The following ZDHHC17 variants were observed in gnomAD, a reference collection of about 807,000 sequenced individuals.
ZDHHC17 encodes the protein zDHHC palmitoyltransferase 17.
A neutral mutation model predicts 90.3 loss-of-function variants in ZDHHC17; 40 were observed. That is an observed-to-expected ratio of 0.44 (90% CI 0.34 to 0.58). The LOEUF (loss-of-function observed/expected upper bound fraction) is 0.58, where lower values mean the gene tolerates loss of function less well. Among genes scored for constraint, ZDHHC17 ranks in the 20% least tolerant of loss-of-function variants. ZDHHC17 has a pLI of 0.01. For missense variants in ZDHHC17, 614 were observed against 780.8 expected (o/e 0.79, Z 2.55); for synonymous variants, 235 against 252.4 (o/e 0.93, Z 0.65).
intron 1 of ZDHHC17, among the ~76,000 whole-genome samples, chr12:76,772,780 C>T (rs1210879098): frequency 1.3e-5 from 2 of 150,518 alleles, no homozygotes; most frequent in Admixed American, 6.7e-5. Context: ...CTCCTGACCT[C>T]GTGATCCACC....
intron 10 of ZDHHC17, among the ~76,000 whole-genome samples, chr12:76,830,920 A>C (rs1592492785): frequency 2.0e-5 from 3 of 152,318 alleles, no homozygotes; most frequent in Admixed American, 2.0e-4. Context: ...CTAGGGAAAT[A>C]GTATAAAATA....
chr12:76,845,688 CT>C lies in ZDHHC17; in HGVS notation c.1330-18del. The C allele has an allele frequency of 7.1e-7, 1 of 1,411,216 alleles. No homozygotes were observed. Among genetic ancestry groups the C allele is most frequent in the Non-Finnish European group, 9.9e-7 (1 of 1,010,210 alleles). 87.4% of individuals were successfully genotyped at this position (1,411,216 alleles called of 1,614,324 possible). A position where few individuals can be genotyped will look rare whatever the true frequency, so the allele number is the denominator to read the frequency against. The stretch of plus-strand genomic sequence containing the variant: ...TCTTAGTATAATGCCTTTCATAATC[CT>C]TTAACATGCCTATTAACAGATACGA... On this transcript the variant is annotated intron_variant, in intron 12 of 16. Transcript: ENST00000426126.
At chr12:76,835,430 C>A (rs1172099674) in intron 10 of ZDHHC17, among the ~76,000 whole-genome samples, 1 of 151,860 alleles carries the variant, frequency 6.6e-6, no homozygotes, top group Non-Finnish European at 1.5e-5. Context: ...ATACTTAGAC[C>A]TTTTATGTTT....
At chr12:76,849,141 A>AC in intron 15 of ZDHHC17, among the ~76,000 whole-genome samples, 1 of 131,878 alleles carries the variant, frequency 7.6e-6, no homozygotes, top group African/African-American at 2.8e-5. Context: ...AAAAAAAAAA[A>AC]CCCAACAAAA....
chr12:76,807,431 A>G (rs1213530437), intron 3 of ZDHHC17, among the ~76,000 whole-genome samples: 1 of 152,202 alleles, frequency 6.6e-6, no homozygotes, highest in Non-Finnish European at 1.5e-5. Flanking sequence ...ACCTAGGATC[A>G]TTAGTACCTG....
chr12:76,827,939 A>G (rs191771682), intron 9 of ZDHHC17, among the ~76,000 whole-genome samples: 2 of 152,244 alleles, frequency 1.3e-5, no homozygotes, highest in East Asian at 3.9e-4. Flanking sequence ...AGTTCATTCT[A>G]CTTGAAAAGA....
intron 9 of ZDHHC17, 64 bp downstream of exon 9, chr12:76,827,114 T>C (rs974883400): frequency 6.9e-7 from 1 of 1,453,564 alleles, no homozygotes; most frequent in Non-Finnish European, 9.1e-7. Flanking sequence ...TGTACTCTTG[T>C]ATAAAATTAA....
chr12:76,843,457 T>C (rs1953459006), intron 12 of ZDHHC17, among the ~76,000 whole-genome samples: 1 of 152,080 alleles, frequency 6.6e-6, no homozygotes, highest in Non-Finnish European at 1.5e-5. Context: ...TCAGAATGTT[T>C]ATGTAACTTT....
chr12:76,785,611 A>G (rs939050499), intron 1 of ZDHHC17, among the ~76,000 whole-genome samples: 21 of 152,208 alleles, frequency 1.4e-4, no homozygotes, highest in Admixed American at 1.3e-3. Flanking sequence ...TTTGCATAGC[A>G]TGGGCACACA....
At chr12:76,822,632 G>T in intron 8 of ZDHHC17, 101 bp downstream of exon 8, 2 of 874,328 alleles carry the variant, frequency 2.3e-6, no homozygotes, top group Non-Finnish European at 3.6e-6. Context: ...TTGGCTCACT[G>T]CAATCCCTGC....
chr12:76,828,576 T>TAGATCAGTC, intron 10 of ZDHHC17, 86 bp downstream of exon 10: 1 of 1,118,914 alleles, frequency 8.9e-7, no homozygotes, highest in Non-Finnish European at 1.3e-6. Flanking sequence ...TTAGGACTGA[T>TAGATCAGTC]CTACTCATTC....
At chr12:76,806,719 C>T (rs1397647250) in intron 3 of ZDHHC17, among the ~76,000 whole-genome samples, 2 of 152,094 alleles carry the variant, frequency 1.3e-5, no homozygotes, top group African/African-American at 4.8e-5. Flanking sequence ...CGCCGTGTTT[C>T]CCAGGCTGGT....
At chr12:76,818,728 A>G (rs904325179) in intron 7 of ZDHHC17, among the ~76,000 whole-genome samples, 36 of 152,222 alleles carry the variant, frequency 2.4e-4, no homozygotes, top group African/African-American at 7.7e-4. Flanking sequence ...GCCAGAGTAC[A>G]GTGAGCAAGA....
chr12:76,841,887 C>T, intron 10 of ZDHHC17, 95 bp from the exon 11 acceptor site: 1 of 922,674 alleles, frequency 1.1e-6, no homozygotes, highest in Non-Finnish European at 1.4e-6. Context: ...ATTTTTTTGA[C>T]TGGTAGGTGT....
chr12:76,788,727 G>C (rs866637928), intron 1 of ZDHHC17, among the ~76,000 whole-genome samples: 1 of 53,386 alleles, frequency 1.9e-5, no homozygotes, highest in Non-Finnish European at 3.4e-5. Context: ...GCAGAGTTTC[G>C]CTCTTGTTGT....
intron 2 of ZDHHC17, among the ~76,000 whole-genome samples, chr12:76,802,490 CTAT>C: frequency 6.6e-6 from 1 of 152,286 alleles, no homozygotes; most frequent in Middle Eastern, 3.4e-3. Flanking sequence ...AAGTTTTCAG[CTAT>C]TATTTTTTCA....
intron 1 of ZDHHC17, among the ~76,000 whole-genome samples, chr12:76,783,109 C>G (rs1267154331): frequency 6.6e-6 from 1 of 152,080 alleles, no homozygotes; most frequent in Admixed American, 6.5e-5. Context: ...AAGTTAGTCC[C>G]CACAGGGTGA....
intron 1 of ZDHHC17, chr12:76,781,797 A>G (rs192215348): frequency 2.5e-6 from 1 of 400,514 alleles, no homozygotes; most frequent in African/African-American, 2.1e-5. Flanking sequence ...ATGTAATGTA[A>G]TACCATTTAG....
At chr12:76,776,261 T>A (rs920988179) in intron 1 of ZDHHC17, among the ~76,000 whole-genome samples, 12 of 152,184 alleles carry the variant, frequency 7.9e-5, no homozygotes, top group Admixed American at 3.9e-4. Context: ...ATCAGAAATT[T>A]AAGTTTCAGC....
Sources: gnomAD v4.1 joint callset for allele counts (sites outside exome capture counted in the v4.1 genomes callset) on GRCh38, gnomAD v4.1.1 for gene constraint, MANE v1.5 for transcripts, NCBI Gene and HGNC (gene_info 2026-07-23, HGNC 2026-07-21) for gene names.